CSMD1: variants seen among roughly 807,000 people sequenced by gnomAD.
CSMD1 encodes the protein CUB and Sushi multiple domains 1.
Under a neutral mutation model 417.5 loss-of-function variants are expected in CSMD1, and 213 were observed. That is an observed-to-expected ratio of 0.51 (90% CI 0.46 to 0.57). The LOEUF (loss-of-function observed/expected upper bound fraction) is 0.57, where lower values mean the gene tolerates loss of function less well. Among genes scored for constraint, CSMD1 ranks in the 20% least tolerant of loss-of-function variants. CSMD1 has a pLI of 0.00. For synonymous variants in CSMD1, 2,862 were observed against 1,736.8 expected, an observed-to-expected ratio of 1.65 and a Z score of -16.11; for missense variants, 6,923 against 4,529.7, an observed-to-expected ratio of 1.53 and a Z score of -15.17.
At chr8:4,861,602 A>T (rs1410337755) in intron 1 of CSMD1, among the ~76,000 whole-genome samples, 1 of 152,186 alleles carries the variant, frequency 6.6e-6, no homozygotes, top group Non-Finnish European at 1.5e-5. Context: ...TTCTTTGAAC[A>T]GAGGCTGTGG....
chr8:3,308,362 C>A lies in CSMD1; in HGVS notation c.3773G>T (p.Cys1258Phe). ...CCACACTCTCCTGTCTCCACTCAAA[C>A]AGGTCAGGGTGTTGCTGCCATGCAT... ...YAMHGSNTLT[C>F]LSGDRRVWDK... is the part of the protein sequence containing the mutation. The change falls in exon 24 of 70, where the codon TGT (cysteine) becomes TTT (phenylalanine). Residue 1258 changes from cysteine to phenylalanine, a missense_variant. Cys to Phe is a radical substitution (Grantham distance 205). Coordinates refer to ENST00000635120, the MANE Select transcript of CSMD1 (RefSeq NM_033225.6). The A allele has an allele frequency of 6.2e-7, 1 of 1,613,602 alleles. No individual in the cohort carries two copies. Among genetic ancestry groups the A allele is most frequent in the Non-Finnish European group, 8.5e-7 (1 of 1,179,652 alleles).
chr8:3,715,293 T>C (rs550036059), intron 6 of CSMD1, among the ~76,000 whole-genome samples: 1 of 152,322 alleles, frequency 6.6e-6, no homozygotes, highest in East Asian at 1.9e-4. Context: ...TTTGTGCTGA[T>C]ACACTGTAAA....
chr8:3,359,565 G>T (rs528958599), intron 20 of CSMD1, among the ~76,000 whole-genome samples: 3 of 149,696 alleles, frequency 2.0e-5, no homozygotes, highest in African/African-American at 7.4e-5. Flanking sequence ...AGAATTGACA[G>T]GTAAGAATGA....
chr8:3,427,243 C>T (rs986374949), intron 12 of CSMD1, among the ~76,000 whole-genome samples: 15 of 152,200 alleles, frequency 9.9e-5, no homozygotes, highest in Middle Eastern at 3.4e-3. Flanking sequence ...TTTTATTTTG[C>T]TTTGAGATTT....
At position 4,420,078 on chromosome 8, in the gene CSMD1, G is replaced by C; in HGVS notation, c.303-13C>G. The C allele has an allele frequency of 7.9e-6, 12 of 1,523,028 alleles. No homozygotes were observed. Among genetic ancestry groups the C allele is most frequent in the Non-Finnish European group, 1.1e-5 (12 of 1,120,950 alleles). 94.3% of individuals were successfully genotyped at this position (1,523,028 alleles called of 1,614,324 possible). A position where few individuals can be genotyped will look rare whatever the true frequency, so the allele number is the denominator to read the frequency against. ...AAATCCCGATAATCTAAATTTAAAA[G>C]ACAAGACACAAAGAGAGTTAAAAGC... is the stretch of plus-strand genomic sequence containing the variant. On this transcript the variant is annotated splice_polypyrimidine_tract_variant and intron_variant, in intron 2 of 69. Transcript: ENST00000635120.
At chr8:4,903,470 C>A (rs1326542465) in intron 1 of CSMD1, among the ~76,000 whole-genome samples, 2 of 152,098 alleles carry the variant, frequency 1.3e-5, no homozygotes, top group Non-Finnish European at 2.9e-5. Context: ...ACCAATTGTA[C>A]AAATGTATAT....
At chr8:4,204,275 A>C (rs981899609) in intron 3 of CSMD1, among the ~76,000 whole-genome samples, 6 of 152,004 alleles carry the variant, frequency 3.9e-5, no homozygotes, top group Non-Finnish European at 5.9e-5. Context: ...AAAAAAAAAA[A>C]ACCTCAATTT....
At chr8:3,461,257 C>T (rs1343535640) in intron 12 of CSMD1, among the ~76,000 whole-genome samples, 2 of 152,300 alleles carry the variant, frequency 1.3e-5, no homozygotes, top group Admixed American at 6.5e-5. Context: ...ACCTGGCATT[C>T]CTGCCACAGA....
intron 10 of CSMD1, among the ~76,000 whole-genome samples, chr8:3,546,446 G>T (rs376411419): frequency 4.0e-5 from 6 of 151,862 alleles, no homozygotes; most frequent in African/African-American, 2.4e-5. Context: ...TGAGGCAGGA[G>T]AATCTCTTGA....
At chr8:3,565,427 T>C (rs1013660562) in intron 10 of CSMD1, among the ~76,000 whole-genome samples, 1 of 152,156 alleles carries the variant, frequency 6.6e-6, no homozygotes, top group Non-Finnish European at 1.5e-5. Context: ...GTGTGTCTAA[T>C]CTCTACTTCT....
At chr8:4,461,384 A>C (rs1799807076) in intron 2 of CSMD1, among the ~76,000 whole-genome samples, 1 of 151,990 alleles carries the variant, frequency 6.6e-6, no homozygotes, top group African/African-American at 2.4e-5. Context: ...GGAAATTTAA[A>C]GGCATAAAGA....
intron 2 of CSMD1, among the ~76,000 whole-genome samples, chr8:4,623,827 T>C (rs1801928857): frequency 6.6e-6 from 1 of 152,040 alleles, no homozygotes; most frequent in Non-Finnish European, 1.5e-5. Context: ...TTCAGTGGTG[T>C]GCTGGCAACA....
chr8:4,435,757 A>T (rs1000392555), intron 2 of CSMD1, among the ~76,000 whole-genome samples: 5 of 152,128 alleles, frequency 3.3e-5, no homozygotes, highest in African/African-American at 4.8e-5. Context: ...GCTACAATAA[A>T]AAGTACCATA....
At chr8:3,345,716 G>C (rs1807944626) in intron 22 of CSMD1, among the ~76,000 whole-genome samples, 1 of 152,168 alleles carries the variant, frequency 6.6e-6, no homozygotes, top group Non-Finnish European at 1.5e-5. Context: ...TCAGAGTTCA[G>C]CATTTAATGC....
chr8:3,554,344 G>A (rs1211968151), intron 10 of CSMD1, among the ~76,000 whole-genome samples: 1 of 152,212 alleles, frequency 6.6e-6, no homozygotes, highest in African/African-American at 2.4e-5. Flanking sequence ...AACTACAGAA[G>A]ACCTGCTGGC....
chr8:3,772,710 C>CATAT (rs756161334), intron 5 of CSMD1, among the ~76,000 whole-genome samples: 12 of 145,224 alleles, frequency 8.3e-5, no homozygotes, highest in East Asian at 2.0e-4. Context: ...TACACACACA[C>CATAT]ATATATATAT....
At chr8:3,465,580 A>C (rs890331280) in intron 12 of CSMD1, among the ~76,000 whole-genome samples, 1 of 152,106 alleles carries the variant, frequency 6.6e-6, no homozygotes, top group Non-Finnish European at 1.5e-5. Flanking sequence ...GGTAGCAGAG[A>C]CCGTGAACAT....
chr8:3,405,001 C>T (rs1161525), intron 15 of CSMD1, among the ~76,000 whole-genome samples: 142,745 of 152,232 alleles, frequency 0.94, 66,942 homozygotes, highest in East Asian at 0.96. Flanking sequence ...AGGAATATAA[C>T]TTATGACTCA....
At chr8:3,843,695 G>A (rs925108173) in intron 5 of CSMD1, among the ~76,000 whole-genome samples, 1 of 152,182 alleles carries the variant, frequency 6.6e-6, no homozygotes, top group South Asian at 2.1e-4. Flanking sequence ...CACAGTGGGT[G>A]GAACACAGAC....
Sources: gnomAD v4.1 joint callset for allele counts (sites outside exome capture counted in the v4.1 genomes callset) on GRCh38, gnomAD v4.1.1 for gene constraint, MANE v1.5 for transcripts, NCBI Gene and HGNC (gene_info 2026-07-23, HGNC 2026-07-21) for gene names.